PRELID2: variants seen among roughly 807,000 people sequenced by gnomAD.
The protein encoded by PRELID2 is PRELI domain containing 2, also known as PRELI domain-containing protein 2.
Under a neutral mutation model 28.4 loss-of-function variants are expected in PRELID2, and 25 were observed. The observed-to-expected ratio is 0.88, with a 90% CI of 0.64 to 1.23. The LOEUF (loss-of-function observed/expected upper bound fraction) is 1.23, where lower values mean the gene tolerates loss of function less well. PRELID2 is among the 50% of genes most tolerant of loss of function. The pLI, the probability that PRELID2 is intolerant of heterozygous loss-of-function variation, is 0.00. For synonymous variants in PRELID2, 76 were observed against 71.6 expected (o/e 1.06, Z -0.31); for missense variants, 201 against 214.4 (o/e 0.94, Z 0.39).
chr5:145,650,878 T>C (rs1754284332), intron 1 of PRELID2, among the ~76,000 whole-genome samples: 1 of 151,950 alleles, frequency 6.6e-6, no homozygotes, highest in Non-Finnish European at 1.5e-5. Flanking sequence ...AGGTACTGGG[T>C]TCATCTCACT....
chr5:145,534,545 T>G (rs929972301), intron 1 of PRELID2, among the ~76,000 whole-genome samples: 2 of 151,840 alleles, frequency 1.3e-5, no homozygotes, highest in African/African-American at 4.8e-5. Context: ...GGCTGTGGAG[T>G]AAGGCAGACT....
the PRELID2 span, among the ~76,000 whole-genome samples, chr5:145,261,527 A>G: frequency 6.6e-4 from 100 of 152,254 alleles, no homozygotes; most frequent in Non-Finnish European, 1.0e-3. Context: ...ACATCACAAG[A>G]CACTCCCCAG....
At chr5:145,395,670 T>C in the PRELID2 span, among the ~76,000 whole-genome samples, 2 of 152,172 alleles carry the variant, frequency 1.3e-5, no homozygotes, top group African/African-American at 4.8e-5. Flanking sequence ...TTATGCAACA[T>C]AATTTTCTCC....
At chr5:145,513,869 C>T (rs1752488410) in intron 1 of PRELID2, among the ~76,000 whole-genome samples, 1 of 152,126 alleles carries the variant, frequency 6.6e-6, no homozygotes, top group Non-Finnish European at 1.5e-5. Context: ...GAATTTTCAA[C>T]CCAGAATTTC....
chr5:145,455,457 A>G, the PRELID2 span, among the ~76,000 whole-genome samples: 4 of 152,190 alleles, frequency 2.6e-5, no homozygotes, highest in South Asian at 6.2e-4. Context: ...GAAATTTAAA[A>G]TAGTTATTTC....
At chr5:145,272,467 G>A in the PRELID2 span, among the ~76,000 whole-genome samples, 8 of 152,150 alleles carry the variant, frequency 5.3e-5, no homozygotes, top group East Asian at 7.8e-4. Context: ...TGTGATGCCC[G>A]CACACAGAGT....
chr5:145,696,646 T>G (rs988666507), intron 1 of PRELID2, among the ~76,000 whole-genome samples: 6 of 151,896 alleles, frequency 4.0e-5, no homozygotes, highest in Non-Finnish European at 8.8e-5. Flanking sequence ...GTATTTTTTG[T>G]AGAGACGGAG....
In PRELID2 at chr5:145,502,243, G is replaced by C. The variant is rs191345094; in HGVS notation, n.71-28928C>G. On this transcript the variant is annotated intron_variant and non_coding_transcript_variant, in intron 1 of 2. Transcript: ENST00000510259. ...GGCTGGAGCAGGAGGAAGAGAGAGA[G>C]AGAGGAGAGGTGCTACCTACTTTTG... is the stretch of plus-strand genomic sequence containing the variant. Among the ~76,000 whole-genome samples, 79 of 152,184 alleles carry C rather than the reference G, an allele frequency of 5.2e-4. 1 individual carries two copies. In the East Asian group the frequency reaches 0.015, roughly 28 times the overall value.
chr5:145,717,926 T>C (rs1755886434), intron 1 of PRELID2, among the ~76,000 whole-genome samples: 1 of 151,886 alleles, frequency 6.6e-6, no homozygotes, highest in Admixed American at 6.6e-5. Context: ...AAGAATAACT[T>C]TTCTGGATTC....
In PRELID2 at chr5:145,710,491, T is replaced by C. The variant is rs188897239; in HGVS notation, n.70+54440A>G. On this transcript the variant is annotated intron_variant and non_coding_transcript_variant, in intron 1 of 2. Coordinates refer to the PRELID2 transcript ENST00000510259. ...TAGCTCTAAGATTCTGATTGCATGA[T>C]TCTAGTTTACCTACCAAATCAGTCA... is the stretch of plus-strand genomic sequence containing the variant. 1.9e-3 allele frequency among the ~76,000 whole-genome samples: 291 copies of C among 152,312 alleles called. 3 individuals carry two copies. The highest frequency in any genetic ancestry group is 6.5e-3 in the African/African-American group (272 of 41,580).
At chr5:145,650,336 G>C (rs1417240928) in intron 1 of PRELID2, among the ~76,000 whole-genome samples, 4 of 151,604 alleles carry the variant, frequency 2.6e-5, no homozygotes, top group African/African-American at 9.7e-5. Flanking sequence ...GGGATTCTCT[G>C]CTCCCTCAGA....
intron 1 of PRELID2, chr5:145,473,380 G>A (rs570915274): frequency 1.4e-3 from 220 of 152,212 alleles, no homozygotes; most frequent in African/African-American, 5.3e-3. Flanking sequence ...ATATAAAATA[G>A]CTAGGATTTA....
At chr5:145,624,479 C>T (rs1269090152) in intron 1 of PRELID2, among the ~76,000 whole-genome samples, 1 of 151,954 alleles carries the variant, frequency 6.6e-6, no homozygotes, top group Non-Finnish European at 1.5e-5. Flanking sequence ...TCTTACTGTC[C>T]TGGAGATTCC....
At chr5:145,510,264 G>A (rs1752449594) in intron 1 of PRELID2, among the ~76,000 whole-genome samples, 2 of 152,128 alleles carry the variant, frequency 1.3e-5, no homozygotes, top group South Asian at 2.1e-4. Flanking sequence ...CAACATCTTT[G>A]CTTTCTTTGC....
intron 1 of PRELID2, among the ~76,000 whole-genome samples, chr5:145,673,910 A>G (rs1754761225): frequency 6.6e-6 from 1 of 152,210 alleles, no homozygotes; most frequent in South Asian, 2.1e-4. Context: ...TGAACAAATA[A>G]GAAGGCTTTC....
intron 1 of PRELID2, among the ~76,000 whole-genome samples, chr5:145,616,688 G>A (rs982365536): frequency 1.4e-4 from 21 of 152,250 alleles, no homozygotes; most frequent in African/African-American, 4.8e-4. Flanking sequence ...AATATCACAA[G>A]GCAAATGGAG....
intron 1 of PRELID2, among the ~76,000 whole-genome samples, chr5:145,746,644 G>A (rs1374584189): frequency 2.0e-5 from 3 of 152,108 alleles, no homozygotes; most frequent in Non-Finnish European, 4.4e-5. Context: ...AATTAACAAA[G>A]ATATTCAGGA....
At chr5:145,784,149 T>C (rs1190212931) in intron 5 of PRELID2, among the ~76,000 whole-genome samples, 2 of 151,002 alleles carry the variant, frequency 1.3e-5, no homozygotes, top group African/African-American at 2.4e-5. Flanking sequence ...CCGGGCATGG[T>C]GGTGCACACC....
At position 145,716,355 on chromosome 5, in the gene PRELID2, C is replaced by T. The variant is rs539999463; in HGVS notation, n.70+48576G>A. On this transcript the variant is annotated intron_variant and non_coding_transcript_variant, in intron 1 of 2. Transcript: ENST00000510259. ...TTTATCATAAAGGAAGAGAAAACCA[C>T]CAGGAATCCTTCACTGAGAAGAAAT... Among the ~76,000 whole-genome samples, 23 of 152,222 alleles carry T rather than the reference C, an allele frequency of 1.5e-4. No homozygotes were observed. The East Asian group carries it at 3.9e-3, about 26-fold the overall frequency.
Sources: gnomAD v4.1 joint callset for allele counts (sites outside exome capture counted in the v4.1 genomes callset) on GRCh38, gnomAD v4.1.1 for gene constraint, MANE v1.5 for transcripts, NCBI Gene and HGNC (gene_info 2026-07-23, HGNC 2026-07-21) for gene names.